CEP85L: variants seen among roughly 807,000 people sequenced by gnomAD.
CEP85L encodes the protein centrosomal protein 85L.
A neutral mutation model predicts 100.3 loss-of-function variants in CEP85L; 60 were observed. That is an observed-to-expected ratio of 0.60 (90% confidence interval 0.49 to 0.74). The LOEUF is 0.74. Ranked by LOEUF, CEP85L falls within the 30% of genes least tolerant of loss-of-function variation. The probability of loss-of-function intolerance (pLI) is 0.00; values close to 1 mark genes in which losing one functional copy is unlikely to be tolerated. For synonymous variants in CEP85L, 319 were observed against 322.7 expected (o/e 0.99, Z 0.12); for missense variants, 973 against 936.2 (o/e 1.04, Z -0.51).
rs1315930945 is a variant in CEP85L at position 118,612,686 on chromosome 6, G to T, written c.232+19767C>A. Among the ~76,000 whole-genome samples, 6 of 97,644 alleles carry T rather than the reference G, an allele frequency of 6.1e-5. 1 individual carries two copies. Among genetic ancestry groups the T allele is most frequent in the Admixed American group, 2.3e-4 (2 of 8,640 alleles). The allele number at this position is 97,644 out of a possible 152,430, so 64.1% of individuals were successfully genotyped here. A position where few individuals can be genotyped will look rare whatever the true frequency, so the allele number is the denominator to read the frequency against. Reference sequence around the variant, plus strand: ...AAAAAAAAAAAAAAGCGGGGGGGGGGGGGGGGGACTCTCAAATCAGTAATC... The same window carrying T: ...AAAAAAAAAAAAAAGCGGGGGGGGGTGGGGGGGACTCTCAAATCAGTAATC... On this transcript the variant is annotated intron_variant, in intron 2 of 12. Coordinates refer to ENST00000368491, the MANE Select transcript of CEP85L (RefSeq NM_001042475.3).
chr6:118,502,373 G>T, intron 5 of CEP85L: 1 of 525,030 alleles, frequency 1.9e-6, no homozygotes, highest in South Asian at 1.7e-5. Context: ...CATATGTTAA[G>T]ACAGATAGTT....
chr6:118,652,294 T>G (rs1775613692), upstream of CEP85L: 1 of 636,166 alleles, frequency 1.6e-6, no homozygotes, highest in South Asian at 6.5e-5. Flanking sequence ...CTCCTTCACG[T>G]TCTTCCTCTT....
At chr6:118,599,577 C>A (rs959716253) in intron 2 of CEP85L, among the ~76,000 whole-genome samples, 1 of 152,186 alleles carries the variant, frequency 6.6e-6, no homozygotes, top group East Asian at 1.9e-4. Flanking sequence ...GTGGGCAGGA[C>A]TCAGTGACTT....
intron 3 of CEP85L, among the ~76,000 whole-genome samples, chr6:118,563,174 T>C (rs571820819): frequency 1.3e-5 from 2 of 152,336 alleles, no homozygotes; most frequent in Admixed American, 1.3e-4. Context: ...GAGGGCATAA[T>C]GGCTTCTTTT....
chr6:118,566,204 C>A lies in CEP85L; in HGVS notation c.345G>T (p.Arg115Ser). Residue 115 changes from arginine to serine, a missense_variant, in exon 3 of 13, where the codon AGG (arginine) becomes AGT (serine). By Grantham distance (110) the Arg-to-Ser change is moderately radical. Around this residue, in one of 3 missense-constraint regions of CEP85L, gnomAD observed 890 missense variants for 844.5 expected, o/e 1.05. Transcript: ENST00000368491. ...SNSSASISKLRESLTPDGSKW... is the reference protein window; with the variant it reads ...SNSSASISKLSESLTPDGSKW... ...TTGAGCCATCTGGTGTCAATGATTC[C>A]CTAAGTTTGGAAATTGAAGCGCTGG... 6.2e-7 allele frequency: 1 copy of A among 1,614,046 alleles called. No homozygotes were observed.
rs375464100 is a variant in CEP85L, at chr6:118,475,348, T to TAC, written c.1914+4522_1914+4523insGT. 2.1e-5 allele frequency among the ~76,000 whole-genome samples: 2 copies of TAC among 94,358 alleles called. 1 individual carries two copies. 61.9% of individuals were successfully genotyped at this position (94,358 alleles called of 152,430 possible). A position where few individuals can be genotyped will look rare whatever the true frequency, so the allele number is the denominator to read the frequency against. ...AAAGGTGGGTGAATTGTAGGTGACA[T>TAC]TTTTTTTTTTTTTTTTTTTTTTTTG... On this transcript the variant is annotated intron_variant, in intron 10 of 12. Coordinates refer to ENST00000368491, the MANE Select transcript of CEP85L (RefSeq NM_001042475.3).
chr6:118,500,144 A>AT (rs35859677), intron 5 of CEP85L, among the ~76,000 whole-genome samples: 95,321 of 148,766 alleles, frequency 0.64, 31,067 homozygotes, highest in Middle Eastern at 0.73. Context: ...CTACTAAAGT[A>AT]TTTTTTTTTT....
At chr6:118,567,042 T>C (rs896314965) in intron 2 of CEP85L, among the ~76,000 whole-genome samples, 3 of 151,810 alleles carry the variant, frequency 2.0e-5, no homozygotes, top group Admixed American at 6.6e-5. Flanking sequence ...ACTGTGAAAA[T>C]CTATGCCAGA....
intron 2 of CEP85L, among the ~76,000 whole-genome samples, chr6:118,578,790 T>G (rs1780395934): frequency 6.6e-6 from 1 of 152,246 alleles, no homozygotes; most frequent in Non-Finnish European, 1.5e-5. Flanking sequence ...GCGTGACTGA[T>G]GCAGGCAGCA....
At chr6:118,615,801 T>C (rs1772998805) in intron 2 of CEP85L, among the ~76,000 whole-genome samples, 1 of 152,170 alleles carries the variant, frequency 6.6e-6, no homozygotes. Context: ...TTACCCAGTT[T>C]TCAATATTCC....
At chr6:118,507,438 C>G (rs1031915668) in intron 5 of CEP85L, among the ~76,000 whole-genome samples, 14 of 152,140 alleles carry the variant, frequency 9.2e-5, no homozygotes, top group Non-Finnish European at 1.5e-4. Context: ...AATCCAATCT[C>G]TATTATGCCA....
At chr6:118,603,269 G>C (rs1021941494) in intron 2 of CEP85L, among the ~76,000 whole-genome samples, 2 of 152,128 alleles carry the variant, frequency 1.3e-5, no homozygotes, top group African/African-American at 4.8e-5. Context: ...CTTACCACAG[G>C]TCAGAAATCC....
chr6:118,606,431 GC>G (rs1772227913), intron 2 of CEP85L, among the ~76,000 whole-genome samples: 1 of 152,230 alleles, frequency 6.6e-6, no homozygotes, highest in East Asian at 1.9e-4. Flanking sequence ...CAAAATGTCA[GC>G]TACTGAGCTA....
chr6:118,708,425 T>C (rs187046720), intron 1 of CEP85L, among the ~76,000 whole-genome samples: 2 of 152,338 alleles, frequency 1.3e-5, no homozygotes, highest in East Asian at 3.9e-4. Context: ...TACCTGGATA[T>C]AGGGAAAAGA....
intron 2 of CEP85L, among the ~76,000 whole-genome samples, chr6:118,631,904 T>G (rs1369896111): frequency 6.6e-6 from 1 of 152,226 alleles, no homozygotes; most frequent in Non-Finnish European, 1.5e-5. Flanking sequence ...AACACTATTA[T>G]TTCTTAAAAC....
In CEP85L at chr6:118,471,345, T is replaced by C. The variant is rs567525502; in HGVS notation, c.1915-701A>G. Among the ~76,000 whole-genome samples the C allele has an allele frequency of 1.4e-4, 21 of 152,186 alleles. 1 individual carries two copies. The highest frequency in any genetic ancestry group is 5.1e-4 in the African/African-American group (21 of 41,580). ...TTGCCATACACCCTGTAGTTATTAG[T>C]GAATTCTAAGTGTTTCTATCAACTA... On this transcript the variant is annotated intron_variant, in intron 10 of 12. Coordinates refer to ENST00000368491, the MANE Select transcript of CEP85L (RefSeq NM_001042475.3).
chr6:118,691,977 T>A (rs1232167902), intron 1 of CEP85L, among the ~76,000 whole-genome samples: 2 of 152,100 alleles, frequency 1.3e-5, no homozygotes, highest in East Asian at 3.9e-4. Flanking sequence ...GCTATGTCCC[T>A]AGAGATGTCT....
intron 6 of CEP85L, 45 bp downstream of exon 6, chr6:118,491,641 G>A (rs1475413362): frequency 6.3e-7 from 1 of 1,585,324 alleles, no homozygotes; most frequent in African/African-American, 1.4e-5. Context: ...ATTATATGCT[G>A]AGGAAATGTT....
At position 118,463,678 on chromosome 6, in the gene CEP85L, G is replaced by A. The variant is rs1389694251; in HGVS notation, c.*1727C>T. 6.6e-6 allele frequency: 1 copy of A among 152,046 alleles called. No individual in the cohort carries two copies. The highest frequency in any genetic ancestry group is 1.5e-5 in the Non-Finnish European group (1 of 67,938). 9.4% of individuals were successfully genotyped at this position (152,046 alleles called of 1,614,324 possible). ...GCAGGAGCACTACAATGTACTTACT[G>A]ATTTCTTAGTGCCCAGATTCTCAGA... On this transcript the variant is annotated 3_prime_UTR_variant, in exon 13 of 13. Coordinates refer to ENST00000368491, the MANE Select transcript of CEP85L (RefSeq NM_001042475.3).
Sources: gnomAD v4.1 joint callset for allele counts (sites outside exome capture counted in the v4.1 genomes callset) on GRCh38, gnomAD v4.1.1 for gene constraint, gnomAD v4.1.1 regional missense constraint, MANE v1.5 for transcripts, NCBI Gene and HGNC (gene_info 2026-07-23, HGNC 2026-07-21) for gene names.